The following XRN1 variants were observed in gnomAD, a reference collection of about 807,000 sequenced individuals.
XRN1 encodes strand-exchange protein 1 homolog.
XRN1 carries 67 observed loss-of-function variants against 222.3 expected under a neutral mutation model. The ratio of observed to expected loss-of-function variants is 0.30; its 90% CI spans 0.25 to 0.37. The LOEUF is 0.37. Among genes scored for constraint, XRN1 ranks in the 10% least tolerant of loss-of-function variants. The probability of loss-of-function intolerance (pLI) is 1.00; values close to 1 mark genes in which losing one functional copy is unlikely to be tolerated. For missense variants in XRN1, 1,707 were observed against 2,000.2 expected (o/e 0.85, Z 2.80); for synonymous variants, 643 against 652.4 (o/e 0.99, Z 0.22).
At chr3:142,354,750 C>T (rs781595830) in intron 32 of XRN1, among the ~76,000 whole-genome samples, 12 of 151,970 alleles carry the variant, frequency 7.9e-5, no homozygotes, top group Non-Finnish European at 1.3e-4. Context: ...AGGCTGGTCT[C>T]GAACTCCTGA....
intron 15 of XRN1, chr3:142,407,651 C>T (rs769218383): frequency 6.6e-6 from 1 of 152,188 alleles, no homozygotes; most frequent in Non-Finnish European, 1.5e-5. Flanking sequence ...TTTATCATTA[C>T]TATTTTTTAG....
chr3:142,313,991 T>C (rs941317130), intron 39 of XRN1, among the ~76,000 whole-genome samples: 2 of 152,206 alleles, frequency 1.3e-5, no homozygotes, highest in Non-Finnish European at 2.9e-5. Flanking sequence ...GTGGGAGTCA[T>C]AATGCTAAGA....
chr3:142,446,881 C>T (rs1419971401), intron 1 of XRN1, among the ~76,000 whole-genome samples: 1 of 152,184 alleles, frequency 6.6e-6, no homozygotes, highest in Admixed American at 6.5e-5. Flanking sequence ...CAGAAGTAAA[C>T]TACCTTCATG....
intron 26 of XRN1, among the ~76,000 whole-genome samples, 180 bp from the exon 27 acceptor site, chr3:142,370,800 TAGTTTA>T (rs2066964404): frequency 6.6e-6 from 1 of 152,128 alleles, no homozygotes; most frequent in African/African-American, 2.4e-5. Context: ...ACAAAAAGAT[TAGTTTA>T]AAAGTATTTG....
At position 142,421,109 on chromosome 3, in the gene XRN1, C is replaced by A; in HGVS notation, c.1080G>T (p.Trp360Cys). Residue 360 changes from tryptophan to cysteine, a missense_variant, in exon 10 of 41, where the codon TGG becomes TGT. Coordinates refer to ENST00000392981, the MANE Select transcript of XRN1 (RefSeq NM_001282857.2). ...ACTTGTTACCAACTTTGCTTTCAAA[C>A]CATTTTAGGTCCACAAAAACTTCAC... The part of the protein sequence containing the change: ...HFSEVFVDLK[W>C]FESKVGNKYL... 2 of 1,613,942 alleles carry A rather than the reference C, an allele frequency of 1.2e-6. No homozygotes were observed. Among genetic ancestry groups the A allele is most frequent in the Non-Finnish European group, 1.7e-6 (2 of 1,179,942 alleles).
At chr3:142,313,185 A>G in intron 39 of XRN1, 2 of 1,612,366 alleles carry the variant, frequency 1.2e-6, no homozygotes, top group Non-Finnish European at 1.7e-6. Context: ...CTACAAAAAA[A>G]CCAAAAAACC....
intron 27 of XRN1, among the ~76,000 whole-genome samples, chr3:142,369,848 C>A (rs529647535): frequency 3.3e-5 from 5 of 151,854 alleles, no homozygotes; most frequent in African/African-American, 1.2e-4. Context: ...GAGTTCAAGA[C>A]CAGCCTGGCC....
chr3:142,380,051 T>C, intron 23 of XRN1, 31 bp downstream of exon 23: 1 of 1,555,194 alleles, frequency 6.4e-7, no homozygotes, highest in Non-Finnish European at 8.7e-7. Context: ...TTATCAATTC[T>C]AAATGAAACA....
At chr3:142,383,215 T>C (rs2067367119) in intron 22 of XRN1, 85 bp downstream of exon 22, 1 of 1,072,560 alleles carries the variant, frequency 9.3e-7, no homozygotes, top group African/African-American at 1.6e-5. Context: ...CATTATTATA[T>C]TTTAATTTAA....
At chr3:142,359,693 GCTCT>G (rs934003167) in intron 30 of XRN1, among the ~76,000 whole-genome samples, 165 bp downstream of exon 30, 1 of 152,122 alleles carries the variant, frequency 6.6e-6, no homozygotes, top group African/African-American at 2.4e-5. Context: ...TAAAATGAAA[GCTCT>G]CTGAGGGTAG....
chr3:142,357,174 G>C, intron 30 of XRN1, 55 bp from the exon 31 acceptor site: 1 of 1,508,186 alleles, frequency 6.6e-7, no homozygotes, highest in East Asian at 2.4e-5. Context: ...AATGTGTTAG[G>C]GAGAAAAGTC....
chr3:142,335,866 G>C (rs1353624931), intron 33 of XRN1, among the ~76,000 whole-genome samples: 1 of 152,170 alleles, frequency 6.6e-6, no homozygotes, highest in African/African-American at 2.4e-5. Context: ...TAAAAAAGCA[G>C]GTTAGAGCCA....
At position 142,311,825 on chromosome 3, in the gene XRN1, A is replaced by G. The variant is rs2065084367; in HGVS notation, c.4783-12T>C. 1 of 1,560,698 alleles carries G rather than the reference A, an allele frequency of 6.4e-7. No individual in the cohort carries two copies. Among genetic ancestry groups the G allele is most frequent in the Non-Finnish European group, 8.6e-7 (1 of 1,157,546 alleles). On this transcript the variant is annotated splice_polypyrimidine_tract_variant and intron_variant, in intron 40 of 40. Coordinates refer to ENST00000392981, the MANE Select transcript of XRN1 (RefSeq NM_001282857.2). ...CTTTTTTTAGTAACCTGTTAGGAATAAAAGCATCACTAATTAATAATGTAG... is the reference window on the plus strand; with the variant it reads ...CTTTTTTTAGTAACCTGTTAGGAATGAAAGCATCACTAATTAATAATGTAG...
At chr3:142,330,977 C>T (rs1388967431) in intron 36 of XRN1, among the ~76,000 whole-genome samples, 5 of 152,038 alleles carry the variant, frequency 3.3e-5, no homozygotes, top group Admixed American at 6.6e-5. Flanking sequence ...CCACCACACC[C>T]GGCTAATTTT....
At chr3:142,317,002 G>A (rs1199157754) in intron 39 of XRN1, among the ~76,000 whole-genome samples, 1 of 152,176 alleles carries the variant, frequency 6.6e-6, no homozygotes, top group Non-Finnish European at 1.5e-5. Context: ...AGAGAAATTA[G>A]GATGAAACTC....
chr3:142,328,744 TATATATATATATATATATATATATATG>T (rs2065604495), intron 37 of XRN1, among the ~76,000 whole-genome samples: 2 of 58,450 alleles, frequency 3.4e-5, no homozygotes, highest in African/African-American at 2.5e-4. Flanking sequence ...TATATATATA[TATATATATATATATATATATATATATG>T]TTTCAGAGAC....
intron 1 of XRN1, among the ~76,000 whole-genome samples, chr3:142,437,577 T>C (rs1355925820): frequency 6.6e-6 from 1 of 152,220 alleles, no homozygotes; most frequent in Non-Finnish European, 1.5e-5. Context: ...TTTCTACATA[T>C]CTTTACAAGC....
At chr3:142,364,787 T>A (rs2066764409) in intron 29 of XRN1, among the ~76,000 whole-genome samples, 1 of 152,284 alleles carries the variant, frequency 6.6e-6, no homozygotes, top group South Asian at 2.1e-4. Context: ...ATAATTTTAA[T>A]GTGATATAAA....
At chr3:142,412,801 T>C in intron 14 of XRN1, 138 bp from the exon 15 acceptor site, 1 of 571,888 alleles carries the variant, frequency 1.7e-6, no homozygotes, top group Non-Finnish European at 2.7e-6. Flanking sequence ...ACCTTTGATA[T>C]GTCACAATAT....
Sources: gnomAD v4.1 joint callset for allele counts (sites outside exome capture counted in the v4.1 genomes callset) on GRCh38, gnomAD v4.1.1 for gene constraint, MANE v1.5 for transcripts, NCBI Gene and HGNC (gene_info 2026-07-23, HGNC 2026-07-21) for gene names.